Variants in GRIP1 observed in about 807,000 individuals in gnomAD.
The protein encoded by GRIP1 is glutamate receptor-interacting protein 1.
GRIP1 carries 45 observed loss-of-function variants against 129.9 expected under a neutral mutation model. The observed-to-expected ratio is 0.35, with a 90% CI of 0.27 to 0.44. The LOEUF is 0.44. Ranked by LOEUF, GRIP1 falls within the 20% of genes least tolerant of loss-of-function variation. The probability of loss-of-function intolerance (pLI) is 1.00; values close to 1 mark genes in which losing one functional copy is unlikely to be tolerated. For missense variants in GRIP1, 1,196 were observed against 1,396.8 expected (o/e 0.86, Z 2.29); for synonymous variants, 530 against 520.8 (o/e 1.02, Z -0.24).
upstream of GRIP1, among the ~76,000 whole-genome samples, chr12:66,683,526 T>C (rs2034665342): frequency 6.6e-6 from 1 of 152,222 alleles, no homozygotes; most frequent in African/African-American, 2.4e-5. Flanking sequence ...AACATTTTTA[T>C]AGAAGTAATG....
chr12:66,556,406 C>T (rs1410977322), intron 2 of GRIP1, among the ~76,000 whole-genome samples: 2 of 152,054 alleles, frequency 1.3e-5, no homozygotes, highest in African/African-American at 4.8e-5. Flanking sequence ...GAGCACCAGA[C>T]CTGTCCTACA....
intron 1 of GRIP1, among the ~76,000 whole-genome samples, chr12:66,725,196 G>A (rs532552638): frequency 3.6e-4 from 55 of 152,142 alleles, no homozygotes; most frequent in African/African-American, 1.3e-3. Context: ...TAGCTACTAA[G>A]GGGGCTGAGG....
At chr12:66,786,850 C>A (rs1408566944) in intron 1 of GRIP1, among the ~76,000 whole-genome samples, 1 of 152,126 alleles carries the variant, frequency 6.6e-6, no homozygotes, top group African/African-American at 2.4e-5. Flanking sequence ...TTGCTTTTGC[C>A]ACTGACCTAA....
intron 1 of GRIP1, among the ~76,000 whole-genome samples, chr12:66,946,154 G>A (rs546238875): frequency 1.6e-4 from 25 of 152,226 alleles, no homozygotes; most frequent in African/African-American, 5.5e-4. Flanking sequence ...CAAAAATTCT[G>A]ACATGGCCAT....
chr12:66,565,119 T>A (rs2062701441), intron 2 of GRIP1, among the ~76,000 whole-genome samples: 1 of 152,198 alleles, frequency 6.6e-6, no homozygotes, highest in Non-Finnish European at 1.5e-5. Context: ...CAGAAGCTCT[T>A]TAGTTTAATT....
intron 11 of GRIP1, among the ~76,000 whole-genome samples, chr12:66,448,709 C>T (rs1480686142): frequency 6.6e-6 from 1 of 152,120 alleles, no homozygotes; most frequent in African/African-American, 2.4e-5. Context: ...TTCTTATTGC[C>T]ACTACTACAG....
chr12:66,352,352 G>A lies in GRIP1; in HGVS notation c.3159+1065C>T, dbSNP rs150336899. 1.5e-3 allele frequency among the ~76,000 whole-genome samples: 226 copies of A among 152,312 alleles called. 1 individual carries two copies. The highest frequency in any genetic ancestry group is 5.3e-3 in the African/African-American group (219 of 41,570). ...GAGCCTGTGCATGTTTAGCAGAGAA[G>A]CGCCACAAGCTCAGGGCACAGCAGG... On this transcript the variant is annotated intron_variant, in intron 24 of 24. Transcript: ENST00000359742.
chr12:66,788,731 C>G (rs537942125), intron 1 of GRIP1, among the ~76,000 whole-genome samples: 24 of 152,044 alleles, frequency 1.6e-4, no homozygotes, highest in Non-Finnish European at 2.6e-4. Context: ...GAACTTGGAT[C>G]CTGCCTGCAG....
intron 1 of GRIP1, among the ~76,000 whole-genome samples, chr12:66,759,616 C>T (rs935776884): frequency 2.6e-5 from 4 of 152,114 alleles, no homozygotes; most frequent in Non-Finnish European, 5.9e-5. Context: ...AAATGAAATG[C>T]TTTTAACAGC....
At chr12:67,027,728 C>T (rs752635136) in intron 1 of GRIP1, among the ~76,000 whole-genome samples, 1 of 152,152 alleles carries the variant, frequency 6.6e-6, no homozygotes, top group Non-Finnish European at 1.5e-5. Flanking sequence ...GGCAATAGAA[C>T]TAGTTCAGGG....
At chr12:66,765,559 T>A (rs2037610859) in intron 1 of GRIP1, among the ~76,000 whole-genome samples, 1 of 152,214 alleles carries the variant, frequency 6.6e-6, no homozygotes, top group Non-Finnish European at 1.5e-5. Flanking sequence ...CTAATTCTCA[T>A]CTGTGGGTTG....
intron 1 of GRIP1, among the ~76,000 whole-genome samples, chr12:66,693,670 C>T (rs2035055498): frequency 6.6e-6 from 1 of 152,144 alleles, no homozygotes. Flanking sequence ...CACATGACAA[C>T]TGCAAGTGGA....
intron 1 of GRIP1, among the ~76,000 whole-genome samples, chr12:66,756,568 C>A (rs144507640): frequency 1.3e-5 from 2 of 152,258 alleles, no homozygotes; most frequent in Admixed American, 1.3e-4. Context: ...CTGGTTCTCA[C>A]TTCATAGAGC....
intron 1 of GRIP1, among the ~76,000 whole-genome samples, chr12:67,066,432 C>A (rs1025069148): frequency 2.0e-5 from 3 of 151,956 alleles, no homozygotes; most frequent in Admixed American, 1.3e-4. Flanking sequence ...ATAAAATCTA[C>A]ATGAAAAAAA....
At chr12:66,698,322 T>A (rs2136341067) in intron 1 of GRIP1, among the ~76,000 whole-genome samples, 1 of 152,368 alleles carries the variant, frequency 6.6e-6, no homozygotes, top group Admixed American at 6.5e-5. Context: ...GTTTTTTACC[T>A]GTCAACTATG....
Position 66,866,549 on chromosome 12 carries a change from T to C in GRIP1, c.58+202501A>G, listed in dbSNP as rs112790034. On this transcript the variant is annotated intron_variant, in intron 1 of 1. Coordinates refer to the GRIP1 transcript ENST00000643019. ...AGAAAGAATGACTAAGACCTACTAA[T>C]TGATAGCACAACAGGGTGACTGCAG... Among the ~76,000 whole-genome samples the C allele has an allele frequency of 1.9e-4, 29 of 152,326 alleles. 1 individual carries two copies. Among genetic ancestry groups the C allele is most frequent in the African/African-American group, 6.3e-4 (26 of 41,582 alleles).
chr12:66,908,578 T>C (rs149174944), intron 1 of GRIP1, among the ~76,000 whole-genome samples: 7 of 152,250 alleles, frequency 4.6e-5, no homozygotes, highest in African/African-American at 1.7e-4. Flanking sequence ...AGAAACAGTG[T>C]TGCATATTAA....
At chr12:67,007,154 G>C (rs1174625744) in intron 1 of GRIP1, among the ~76,000 whole-genome samples, 2 of 152,144 alleles carry the variant, frequency 1.3e-5, no homozygotes, top group Non-Finnish European at 2.9e-5. Flanking sequence ...GATGGGCAGA[G>C]GGTAGAGGGA....
intron 7 of GRIP1, among the ~76,000 whole-genome samples, chr12:66,494,644 G>A (rs1321331951): frequency 6.6e-6 from 1 of 152,066 alleles, no homozygotes; most frequent in Non-Finnish European, 1.5e-5. Context: ...AGGCTGAGGT[G>A]GGAGGGTTGC....
Sources: gnomAD v4.1 joint callset for allele counts (sites outside exome capture counted in the v4.1 genomes callset) on GRCh38, gnomAD v4.1.1 for gene constraint, MANE v1.5 for transcripts, NCBI Gene and HGNC (gene_info 2026-07-23, HGNC 2026-07-21) for gene names.